The following PDZD2 variants were observed in gnomAD, a reference collection of about 807,000 sequenced individuals.
PDZD2 encodes PDZ domain containing 2, also known as PDZ domain-containing protein 2.
Under a neutral mutation model 220.7 loss-of-function variants are expected in PDZD2, and 90 were observed. The observed-to-expected ratio is 0.41, with a 90% CI of 0.34 to 0.49. PDZD2 has a LOEUF of 0.49. Among genes scored for constraint, PDZD2 ranks in the 20% least tolerant of loss-of-function variants. The pLI, the probability that PDZD2 is intolerant of heterozygous loss-of-function variation, is 0.28. For synonymous variants in PDZD2, 1,375 were observed against 1,450.5 expected (o/e 0.95, Z 1.18); for missense variants, 3,174 against 3,608.5 (o/e 0.88, Z 3.08).
intron 1 of PDZD2, among the ~76,000 whole-genome samples, chr5:31,693,540 G>T (rs893374257): frequency 1.3e-5 from 2 of 148,278 alleles, no homozygotes; most frequent in East Asian, 2.1e-4. Context: ...GCGCCTGGCC[G>T]AAAAGCACTT....
chr5:31,648,484 A>T (rs1745217270), intron 1 of PDZD2, among the ~76,000 whole-genome samples: 1 of 152,024 alleles, frequency 6.6e-6, no homozygotes, highest in South Asian at 2.1e-4. Context: ...ATCCAGGAAT[A>T]AGTCCTGTTG....
chr5:32,023,046 G>A (rs1754348325), intron 6 of PDZD2, among the ~76,000 whole-genome samples: 1 of 152,210 alleles, frequency 6.6e-6, no homozygotes, highest in Non-Finnish European at 1.5e-5. Flanking sequence ...GAAGCCGTGT[G>A]AGTGACAGGC....
At chr5:31,894,551 A>G (rs1043998054) in intron 2 of PDZD2, among the ~76,000 whole-genome samples, 3 of 152,112 alleles carry the variant, frequency 2.0e-5, no homozygotes, top group Non-Finnish European at 4.4e-5. Flanking sequence ...ATTCTCTTCA[A>G]TCCCACCACT....
intron 1 of PDZD2, among the ~76,000 whole-genome samples, chr5:31,748,627 T>C (rs1310226401): frequency 6.6e-6 from 1 of 152,192 alleles, no homozygotes; most frequent in African/African-American, 2.4e-5. Flanking sequence ...GAAAGGCTGT[T>C]CCCTGCATGT....
intron 4 of PDZD2, among the ~76,000 whole-genome samples, chr5:31,997,760 A>G (rs1376500487): frequency 6.6e-6 from 1 of 152,198 alleles, no homozygotes; most frequent in African/African-American, 2.4e-5. Context: ...CCTCTGGGCT[A>G]TACGATTCAC....
At position 32,078,655 on chromosome 5, in the gene PDZD2, A is replaced by AAAAT. The variant is rs1741581081; in HGVS notation, c.3682+1052_3682+1053insTAAA. ...TCAAAAATTAAAAAAAAAAAAAAAA[A>AAAAT]AAAAGGAAATTAGTTAGATGTGGTG... On this transcript the variant is annotated intron_variant, in intron 19 of 24. Coordinates refer to ENST00000438447, the MANE Select transcript of PDZD2 (RefSeq NM_178140.4). Among the ~76,000 whole-genome samples the AAAAT allele has an allele frequency of 2.0e-5, 3 of 151,118 alleles. No individual in the cohort carries two copies. The South Asian group carries it at 6.3e-4, about 32-fold the overall frequency.
At chr5:31,657,791 C>T (rs1045531215) in intron 1 of PDZD2, among the ~76,000 whole-genome samples, 18 of 152,132 alleles carry the variant, frequency 1.2e-4, no homozygotes, top group African/African-American at 4.1e-4. Flanking sequence ...GTGTTGACCT[C>T]GGCGCTAGTC....
intron 2 of PDZD2, among the ~76,000 whole-genome samples, chr5:31,982,641 C>A (rs1031244874): frequency 6.6e-6 from 1 of 152,148 alleles, no homozygotes; most frequent in South Asian, 2.1e-4. Flanking sequence ...TTACCTGTTA[C>A]CCCTACTCAG....
At chr5:32,107,939 C>A in intron 24 of PDZD2, 30 bp from the exon 25 acceptor site, 1 of 1,535,896 alleles carries the variant, frequency 6.5e-7, no homozygotes, top group Admixed American at 1.8e-5. Context: ...AACTGCCAAG[C>A]TATTAATTAT....
intron 1 of PDZD2, among the ~76,000 whole-genome samples, chr5:31,656,423 G>A (rs573029335): frequency 6.6e-6 from 1 of 152,086 alleles, no homozygotes; most frequent in Non-Finnish European, 1.5e-5. Flanking sequence ...TTCCCTCCCA[G>A]ACTCAGCTGG....
intron 2 of PDZD2, among the ~76,000 whole-genome samples, chr5:31,934,812 A>AGTG (rs1745583751): frequency 6.6e-6 from 1 of 152,074 alleles, no homozygotes; most frequent in Non-Finnish European, 1.5e-5. Flanking sequence ...TCTGGCCAGC[A>AGTG]GTGGTGGCTC....
chr5:31,819,569 G>T (rs1420169543), intron 2 of PDZD2, among the ~76,000 whole-genome samples: 1 of 148,908 alleles, frequency 6.7e-6, no homozygotes, highest in African/African-American at 2.5e-5. Flanking sequence ...AGACAGGAGA[G>T]TCGTTCGAAC....
At position 32,000,177 on chromosome 5, in the gene PDZD2, T is replaced by C; in HGVS notation, c.1160T>C (p.Ile387Thr). ...TCCTTAGGAGATGAGCTGCTGGTAATCAATGGTCATTTACTGGTCGGGCTC... is the reference window on the plus strand; with the variant it reads ...TCCTTAGGAGATGAGCTGCTGGTAACCAATGGTCATTTACTGGTCGGGCTC... ...RLSLGDELLV[I>T]NGHLLVGLSH... The change falls in exon 5 of 25, where the codon ATC (isoleucine) becomes ACC (threonine). Residue 387 changes from isoleucine to threonine, a missense_variant. Ile to Thr is a moderately conservative substitution (Grantham distance 89). Around this residue, in one of 4 missense-constraint regions of PDZD2, gnomAD observed 632 missense variants for 708.1 expected, o/e 0.89. Transcript: ENST00000438447. This position sits in a 1 kb window ranked among gnomAD's most constrained non-coding sequence, Gnocchi z 4.5. 6.2e-7 allele frequency: 1 copy of C among 1,613,994 alleles called. No individual in the cohort carries two copies. The highest frequency in any genetic ancestry group is 1.1e-5 in the South Asian group (1 of 91,068).
intron 2 of PDZD2, among the ~76,000 whole-genome samples, chr5:31,842,053 T>C (rs1469429765): frequency 6.6e-6 from 1 of 152,186 alleles, no homozygotes; most frequent in Non-Finnish European, 1.5e-5. Flanking sequence ...TTACAAGTAC[T>C]GACACCCCAT....
intron 1 of PDZD2, among the ~76,000 whole-genome samples, chr5:31,696,151 T>G (rs1747367777): frequency 6.6e-6 from 1 of 152,138 alleles, no homozygotes; most frequent in South Asian, 2.1e-4. Context: ...AGGTCCCAGT[T>G]AATCATACAG....
chr5:31,904,900 A>G (rs918024329), intron 2 of PDZD2, among the ~76,000 whole-genome samples: 1 of 152,198 alleles, frequency 6.6e-6, no homozygotes, highest in Non-Finnish European at 1.5e-5. Context: ...TGTGTTTCAA[A>G]TTCGCCTATA....
chr5:32,061,990 T>C (rs1212586857), intron 14 of PDZD2, among the ~76,000 whole-genome samples: 3 of 152,212 alleles, frequency 2.0e-5, no homozygotes, highest in Non-Finnish European at 4.4e-5. Flanking sequence ...CAGGCTATTC[T>C]CAAACTCCTG....
intron 2 of PDZD2, among the ~76,000 whole-genome samples, chr5:31,850,226 G>GCATATA (rs1554082930): frequency 1.1e-4 from 11 of 101,206 alleles, no homozygotes; most frequent in Non-Finnish European, 1.2e-4. Context: ...ATATATATAA[G>GCATATA]TATATATATA....
intron 3 of PDZD2, among the ~76,000 whole-genome samples, chr5:31,993,260 C>T (rs897844133): frequency 6.6e-6 from 1 of 152,140 alleles, no homozygotes; most frequent in African/African-American, 2.4e-5. Context: ...TGTGGTAAGC[C>T]AGTGACTTCT....
Sources: allele counts gnomAD v4.1 joint callset (sites outside exome capture counted in the v4.1 genomes callset), GRCh38; gene constraint gnomAD v4.1.1; regional missense constraint gnomAD v4.1.1; non-coding constraint Gnocchi (gnomAD v3.1); transcripts MANE v1.5; gene names NCBI Gene and HGNC (gene_info 2026-07-23, HGNC 2026-07-21).